The following RNLS variants were observed in gnomAD, a reference collection of about 807,000 sequenced individuals.
RNLS encodes renalase, FAD dependent amine oxidase.
In RNLS, 39 loss-of-function variants were observed where a neutral mutation model predicts 39.8. The ratio of observed to expected loss-of-function variants is 0.98; its 90% CI spans 0.76 to 1.28. RNLS has a LOEUF of 1.28. Ranked by LOEUF, RNLS falls within the 50% of genes most tolerant of loss-of-function variation. RNLS has a pLI of 0.00. For missense variants in RNLS, 410 were observed against 413.3 expected, an observed-to-expected ratio of 0.99 and a Z score of 0.07; for synonymous variants, 147 against 150.7, an observed-to-expected ratio of 0.98 and a Z score of 0.18.
At chr10:88,504,259 T>C (rs1332664444) in intron 4 of RNLS, among the ~76,000 whole-genome samples, 2 of 152,108 alleles carry the variant, frequency 1.3e-5, no homozygotes, top group Admixed American at 6.6e-5. Flanking sequence ...CTACAGTGCA[T>C]GCACAATGGG....
chr10:88,471,609 A>G (rs141479587), intron 4 of RNLS, among the ~76,000 whole-genome samples: 1,580 of 152,318 alleles, frequency 0.01, 8 homozygotes, highest in Non-Finnish European at 0.017. Context: ...TTGATGATTC[A>G]TGAGAAGAAC....
intron 4 of RNLS, among the ~76,000 whole-genome samples, chr10:88,381,876 T>TTAAG (rs1851524488): frequency 7.0e-6 from 1 of 142,016 alleles, no homozygotes; most frequent in African/African-American, 2.6e-5. Flanking sequence ...CTTTAAATTT[T>TTAAG]TAAGTGATTG....
At chr10:88,268,020 T>C in the RNLS span, among the ~76,000 whole-genome samples, 1 of 152,226 alleles carries the variant, frequency 6.6e-6, no homozygotes, top group Admixed American at 6.5e-5. Context: ...ATTTTGGCAG[T>C]GCTCAAAGAA....
chr10:88,495,349 C>G (rs1219635644), intron 4 of RNLS, among the ~76,000 whole-genome samples: 1 of 152,052 alleles, frequency 6.6e-6, no homozygotes, highest in African/African-American at 2.4e-5. Context: ...CCATCTTTAG[C>G]TGCAAGAGGG....
chr10:88,548,154 C>T (rs1351041951), intron 4 of RNLS, among the ~76,000 whole-genome samples: 1 of 148,818 alleles, frequency 6.7e-6, no homozygotes, highest in African/African-American at 2.5e-5. Flanking sequence ...CCCAGCTACT[C>T]CGGAGGCTGA....
At chr10:88,350,036 A>T (rs893696185) in intron 5 of RNLS, among the ~76,000 whole-genome samples, 1 of 152,088 alleles carries the variant, frequency 6.6e-6, no homozygotes, top group African/African-American at 2.4e-5. Context: ...GAGGTCTGAT[A>T]TTTTAAAACA....
intron 1 of RNLS, among the ~76,000 whole-genome samples, chr10:88,582,782 C>T (rs1221154291): frequency 6.6e-6 from 1 of 152,218 alleles, no homozygotes; most frequent in African/African-American, 2.4e-5. Context: ...CGGGTCGGGG[C>T]CCCTCCCACG....
intron 4 of RNLS, among the ~76,000 whole-genome samples, chr10:88,527,530 C>A (rs1470049539): frequency 6.6e-6 from 1 of 152,114 alleles, no homozygotes; most frequent in Non-Finnish European, 1.5e-5. Flanking sequence ...AACTCACATG[C>A]CTCATGGGAT....
chr10:88,459,900 G>C (rs1842850389), intron 4 of RNLS, among the ~76,000 whole-genome samples: 1 of 152,174 alleles, frequency 6.6e-6, no homozygotes, highest in African/African-American at 2.4e-5. Flanking sequence ...ACAATTCACA[G>C]CTGAGAAATA....
At chr10:88,233,239 G>C in the RNLS span, among the ~76,000 whole-genome samples, 5 of 152,224 alleles carry the variant, frequency 3.3e-5, no homozygotes, top group African/African-American at 1.2e-4. Flanking sequence ...AAAGGGGAGG[G>C]GGAAGCCATC....
At chr10:88,216,368 G>A in the RNLS span, among the ~76,000 whole-genome samples, 3 of 152,174 alleles carry the variant, frequency 2.0e-5, no homozygotes, top group South Asian at 6.2e-4. Context: ...CTCAAATAAT[G>A]TCATAAGATA....
chr10:88,440,251 G>T (rs1362031378), intron 4 of RNLS, among the ~76,000 whole-genome samples: 2 of 152,114 alleles, frequency 1.3e-5, no homozygotes, highest in Admixed American at 1.3e-4. Context: ...AGTGCTTTAG[G>T]CTAAAGTAGT....
At chr10:88,320,147 TA>T (rs1388340643) in intron 5 of RNLS, among the ~76,000 whole-genome samples, 2 of 147,106 alleles carry the variant, frequency 1.4e-5, no homozygotes, top group Non-Finnish European at 3.0e-5. Flanking sequence ...TTTAACTCTC[TA>T]AAGGAAAAAA....
intron 4 of RNLS, among the ~76,000 whole-genome samples, chr10:88,542,571 C>A (rs531576208): frequency 1.5e-3 from 235 of 152,166 alleles, no homozygotes; most frequent in Non-Finnish European, 2.6e-3. Context: ...TTGCCAGATT[C>A]GATTGCTAGG....
intron 4 of RNLS, among the ~76,000 whole-genome samples, chr10:88,517,823 A>T (rs766200248): frequency 6.6e-6 from 1 of 151,934 alleles, no homozygotes; most frequent in Non-Finnish European, 1.5e-5. Context: ...CCAACACCAG[A>T]AGGTTTGGAG....
rs566244301 is a variant in RNLS, at chr10:88,354,860, G to A, written c.700+7692C>T. Among the ~76,000 whole-genome samples the A allele has an allele frequency of 1.2e-4, 18 of 152,252 alleles. No individual in the cohort carries two copies. In the South Asian group the frequency reaches 1.9e-3, roughly 16 times the overall value. ...TCACTTTCGGGTACACCAATCAGAC[G>A]TAGATTTGGTCTTTTCACATAGTCC... is the stretch of plus-strand genomic sequence containing the variant. On this transcript the variant is annotated intron_variant, in intron 5 of 6. Transcript: ENST00000331772.
chr10:88,382,916 T>C (rs1851639558), intron 4 of RNLS, among the ~76,000 whole-genome samples: 1 of 152,130 alleles, frequency 6.6e-6, no homozygotes, highest in South Asian at 2.1e-4. Flanking sequence ...TTCTAAGATG[T>C]GTTCCAATAG....
chr10:88,583,208 A>T lies in RNLS; in HGVS notation c.-18T>A. On this transcript the variant is annotated 5_prime_UTR_variant, in exon 1 of 7. Transcript: ENST00000331772. ...TGCGCCATGGCGAGAGGGAGCAGCG[A>T]TCCGCGCTGAGTCTCTGCGGCGGGG... 1.9e-6 allele frequency: 3 copies of T among 1,613,296 alleles called. No individual in the cohort carries two copies. Among genetic ancestry groups the T allele is most frequent in the East Asian group, 2.2e-5 (1 of 44,866 alleles).
intron 4 of RNLS, among the ~76,000 whole-genome samples, chr10:88,462,517 C>G (rs1842980263): frequency 6.6e-6 from 1 of 151,838 alleles, no homozygotes; most frequent in Non-Finnish European, 1.5e-5. Context: ...GATTCTCTAC[C>G]AGGTACTAGG....
Sources: allele counts gnomAD v4.1 joint callset (sites outside exome capture counted in the v4.1 genomes callset), GRCh38; gene constraint gnomAD v4.1.1; transcripts MANE v1.5; gene names NCBI Gene and HGNC (gene_info 2026-07-23, HGNC 2026-07-21).